TEKT4: variants seen among roughly 807,000 people sequenced by gnomAD.
TEKT4 encodes the protein tektin-4.
Under a neutral mutation model 46.0 loss-of-function variants are expected in TEKT4, and 46 were observed. The observed-to-expected ratio is 1.00, with a 90% CI of 0.79 to 1.28. TEKT4 has a LOEUF of 1.28. Among genes scored for constraint, TEKT4 ranks in the 50% most tolerant of loss-of-function variants. The pLI is 0.00. For synonymous variants in TEKT4, 325 were observed against 265.8 expected, an observed-to-expected ratio of 1.22 and a Z score of -2.17; for missense variants, 790 against 622.9, an observed-to-expected ratio of 1.27 and a Z score of -2.85.
chr2:94,876,728 A>G lies in TEKT4; in HGVS notation c.1267A>G (p.Thr423Ala), dbSNP rs1680875240. 6.2e-7 allele frequency: 1 copy of G among 1,610,796 alleles called. No homozygotes were observed. The highest frequency in any genetic ancestry group is 8.5e-7 in the Non-Finnish European group (1 of 1,179,960). ...IDRQKCMAHR[T>A]RYPTILQLAG... ...CCGCCAGAAGTGCATGGCCCATCGT[A>G]CTCGCTACCCCACCATCCTGCAGCT... The change falls in exon 6 of 6, where the codon ACT becomes GCT. Residue 423 changes from threonine to alanine, a missense_variant. Thr to Ala is a moderately conservative substitution (Grantham distance 58, BLOSUM62 0). Coordinates refer to ENST00000295201, the MANE Select transcript of TEKT4 (RefSeq NM_144705.4).
At position 94,872,836 on chromosome 2, in the gene TEKT4, C is replaced by A. The variant is rs1174307361; in HGVS notation, c.499-684C>A. ...CTGCAGGCCCTTCCCCCTGCACTCT[C>A]TCAGTGCCTCAAGAACTCCTGCAGC... is the stretch of plus-strand genomic sequence containing the variant. On this transcript the variant is annotated intron_variant, in intron 1 of 5. Transcript: ENST00000295201. 3 of 1,289,328 alleles carry A rather than the reference C, an allele frequency of 2.3e-6. No individual in the cohort carries two copies. The African/African-American group carries it at 4.6e-5, about 20-fold the overall frequency. 79.9% of individuals were successfully genotyped at this position (1,289,328 alleles called of 1,614,324 possible).
intron 3 of TEKT4, among the ~76,000 whole-genome samples, chr2:94,874,364 C>G (rs144296137): frequency 6.6e-6 from 1 of 152,142 alleles, no homozygotes; most frequent in Non-Finnish European, 1.5e-5. Context: ...ATTGCGTTTC[C>G]GCCCAAGGCC....
chr2:94,875,901 A>T (rs2104120358), intron 5 of TEKT4, among the ~76,000 whole-genome samples, 159 bp downstream of exon 5: 1 of 152,318 alleles, frequency 6.6e-6, no homozygotes, highest in Middle Eastern at 3.4e-3. Flanking sequence ...GGCATGCCTT[A>T]AACACACAGA....
At position 94,874,813 on chromosome 2, in the gene TEKT4, G is replaced by C; in HGVS notation, c.751G>C (p.Asp251His). 2.5e-6 allele frequency: 4 copies of C among 1,601,246 alleles called. No homozygotes were observed. The South Asian group carries it at 3.4e-5, about 13-fold the overall frequency. The change falls in exon 4 of 6, where the codon GAC (aspartate) becomes CAC (histidine). Residue 251 changes from aspartate (D) to histidine (H), a missense_variant. Coordinates refer to ENST00000295201, the MANE Select transcript of TEKT4 (RefSeq NM_144705.4). ...GGAGACCCGGGCCAAGTTCACGCAG[G>C]ACAATCTGTGCCGTGCCCAGCGCGA... ...TPETRAKFTQ[D>H]NLCRAQRERL...
In TEKT4 at chr2:94,871,796, G is replaced by C. The variant is rs782240777; in HGVS notation, c.217G>C (p.Ala73Pro). 1.9e-6 allele frequency: 3 copies of C among 1,610,800 alleles called. No individual in the cohort carries two copies. Among genetic ancestry groups the C allele is most frequent in the Non-Finnish European group, 2.5e-6 (3 of 1,178,868 alleles). The change falls in exon 1 of 6, where the codon GCC becomes CCC. Residue 73 changes from alanine (A) to proline (P), a missense_variant. By Grantham distance (27) the Ala-to-Pro change is conservative (BLOSUM62 -1). Coordinates refer to ENST00000295201, the MANE Select transcript of TEKT4 (RefSeq NM_144705.4). Reference protein sequence around the residue: ...ERQRHESQQLATETQALAQRT... With the variant: ...ERQRHESQQLPTETQALAQRT... ...GCAGCGGCACGAGAGCCAGCAGCTG[G>C]CCACAGAGACCCAGGCGCTGGCGCA...
intron 1 of TEKT4, 144 bp from the exon 2 acceptor site, chr2:94,873,376 G>A (rs1165630761): frequency 1.0e-5 from 15 of 1,501,248 alleles, no homozygotes; most frequent in Middle Eastern, 5.0e-4. Context: ...CCCAGTGAGA[G>A]AGCAGAACTT....
At chr2:94,872,946 G>C (rs1680644428) in intron 1 of TEKT4, 3 of 1,289,342 alleles carry the variant, frequency 2.3e-6, no homozygotes, top group Non-Finnish European at 3.0e-6. Context: ...CCCAGGGATA[G>C]AGGGGCGCAG....
In TEKT4 at chr2:94,871,488, T is replaced by C; in HGVS notation, c.-92T>C. On this transcript the variant is annotated 5_prime_UTR_variant, in exon 1 of 6. Coordinates refer to ENST00000295201, the MANE Select transcript of TEKT4 (RefSeq NM_144705.4). Reference sequence around the variant, plus strand: ...CGCGTCCTGCTCTGGGACTGAGCCGTTGGAGCTGCCCCGCTGACCGCACTA... The same window carrying C: ...CGCGTCCTGCTCTGGGACTGAGCCGCTGGAGCTGCCCCGCTGACCGCACTA... 7.0e-7 allele frequency: 1 copy of C among 1,434,124 alleles called. No individual in the cohort carries two copies. Among genetic ancestry groups the C allele is most frequent in the Non-Finnish European group, 9.2e-7 (1 of 1,090,264 alleles). 88.8% of individuals were successfully genotyped at this position (1,434,124 alleles called of 1,614,324 possible).
In TEKT4 at chr2:94,876,620, G is replaced by C; in HGVS notation, c.1159G>C (p.Glu387Gln). ...ACTGCGAGAGAAGCTTCTAGAAGCG[G>C]AGCAGTCCCTGCGCAACCTCGAGGA... ...TALREKLLEAEQSLRNLEDIH... is the reference protein window; with the variant it reads ...TALREKLLEAQQSLRNLEDIH... Residue 387 changes from glutamate to glutamine, a missense_variant, in exon 6 of 6, where the codon GAG becomes CAG. By Grantham distance (29) the Glu-to-Gln change is conservative. Transcript: ENST00000295201. 1.2e-6 allele frequency: 2 copies of C among 1,612,856 alleles called. No individual in the cohort carries two copies. The highest frequency in any genetic ancestry group is 8.5e-7 in the Non-Finnish European group (1 of 1,179,846).
chr2:94,873,214 C>T (rs1373060372), intron 1 of TEKT4: 5 of 1,274,716 alleles, frequency 3.9e-6, no homozygotes, highest in Non-Finnish European at 5.0e-6. Context: ...CCAACGTTCC[C>T]AGGTGCACTG....
intron 1 of TEKT4, chr2:94,872,919 G>C: frequency 7.8e-7 from 1 of 1,289,436 alleles, no homozygotes; most frequent in East Asian, 5.6e-5. Context: ...GACACTGACA[G>C]TGCACGGAGA....
At position 94,871,547 on chromosome 2, in the gene TEKT4, T is replaced by C. The variant is rs1553394393; in HGVS notation, c.-33T>C. 3 of 1,553,118 alleles carry C rather than the reference T, an allele frequency of 1.9e-6. No homozygotes were observed. Among genetic ancestry groups the C allele is most frequent in the African/African-American group, 1.4e-5 (1 of 73,928 alleles). Reference sequence around the variant, plus strand: ...GCAACCGGCTGACCACACACAGTCCTCACTCCCCTGGCCCTGGTGGGCGGC... The same window carrying C: ...GCAACCGGCTGACCACACACAGTCCCCACTCCCCTGGCCCTGGTGGGCGGC... On this transcript the variant is annotated 5_prime_UTR_variant, in exon 1 of 6. Transcript: ENST00000295201.
intron 2 of TEKT4, 48 bp downstream of exon 2, chr2:94,873,638 T>G: frequency 2.5e-6 from 4 of 1,609,966 alleles, no homozygotes; most frequent in Non-Finnish European, 3.4e-6. Flanking sequence ...TACCCACAGC[T>G]GGTCCTGGGG....
chr2:94,874,058 C>A lies in TEKT4; in HGVS notation c.663C>A (p.Ser221Arg), dbSNP rs782019145. The change falls in exon 3 of 6, where the codon AGC (serine) becomes AGA (arginine). Residue 221 changes from serine (S) to arginine (R), a missense_variant. Physicochemically the swap from Ser to Arg is moderately radical, Grantham distance 110 (BLOSUM62 -1). Transcript: ENST00000295201. ...ACGAGACCTGCGGGCGCCACCACAG[C>A]CAGAGCACCGAGGTGCAGGCTCATC... ...NIDETCGRHH[S>R]QSTEVQAHPY... 6.2e-7 allele frequency: 1 copy of A among 1,613,724 alleles called. No individual in the cohort carries two copies. The highest frequency in any genetic ancestry group is 8.5e-7 in the Non-Finnish European group (1 of 1,179,944).
At chr2:94,875,514 G>A in intron 4 of TEKT4, 74 bp from the exon 5 acceptor site, 3 of 1,591,130 alleles carry the variant, frequency 1.9e-6, no homozygotes, top group Admixed American at 3.4e-5. Context: ...ACCTGGGTAG[G>A]ACCAGCCTGG....
In TEKT4 at chr2:94,874,104, G is replaced by A; in HGVS notation, c.709G>A (p.Glu237Lys). 1.9e-6 allele frequency: 3 copies of A among 1,613,414 alleles called. No homozygotes were observed. The highest frequency in any genetic ancestry group is 2.5e-6 in the Non-Finnish European group (3 of 1,179,874). Reference protein sequence around the residue: ...QAHPYSTTFQESASTPETRAK... With the variant: ...QAHPYSTTFQKSASTPETRAK... The stretch of plus-strand genomic sequence containing the variant: ...TCATCCGTACTCCACCACCTTCCAA[G>A]AGAGGTGGGCCCCAGCTCTGCCCCT... Residue 237 changes from glutamate (E) to lysine (K), a missense_variant, in exon 3 of 6, where the codon GAG becomes AAG. By Grantham distance (56) the Glu-to-Lys change is moderately conservative. Coordinates refer to ENST00000295201, the MANE Select transcript of TEKT4 (RefSeq NM_144705.4).
intron 5 of TEKT4, among the ~76,000 whole-genome samples, chr2:94,876,213 T>C (rs1167933876): frequency 6.6e-6 from 1 of 152,314 alleles, no homozygotes; most frequent in East Asian, 1.9e-4. Context: ...TAAGTACCTT[T>C]CTTCTTTCCC....
intron 1 of TEKT4, chr2:94,872,720 G>A: frequency 2.3e-6 from 2 of 853,492 alleles, no homozygotes; most frequent in Non-Finnish European, 1.6e-6. Flanking sequence ...TGGGGTGGGG[G>A]CAGCTGGTCT....
intron 1 of TEKT4, chr2:94,872,886 A>G (rs1158203522): frequency 7.8e-7 from 1 of 1,289,192 alleles, no homozygotes; most frequent in Non-Finnish European, 1.0e-6. Context: ...TGCCCGCAAC[A>G]AGGGCACCTG....
Sources: allele counts gnomAD v4.1 joint callset (sites outside exome capture counted in the v4.1 genomes callset), GRCh38; gene constraint gnomAD v4.1.1; transcripts MANE v1.5; gene names NCBI Gene and HGNC (gene_info 2026-07-23, HGNC 2026-07-21).